Variants in EEFSEC observed in about 807,000 individuals in gnomAD.
EEFSEC encodes eukaryotic elongation factor, selenocysteine-tRNA specific, also known as selenocysteine-specific elongation factor.
EEFSEC carries 43 observed loss-of-function variants against 42.1 expected under a neutral mutation model. The observed-to-expected ratio is 1.02, with a 90% CI of 0.80 to 1.32. EEFSEC has a LOEUF of 1.32. Among genes scored for constraint, EEFSEC ranks in the 40% most tolerant of loss-of-function variants. EEFSEC has a pLI of 0.00. For missense variants in EEFSEC, 745 were observed against 803.6 expected, an observed-to-expected ratio of 0.93 and a Z score of 0.88; for synonymous variants, 354 against 339.1, an observed-to-expected ratio of 1.04 and a Z score of -0.48.
At chr3:128,349,971 AT>A (rs1444194434) in intron 5 of EEFSEC, among the ~76,000 whole-genome samples, 5 of 152,210 alleles carry the variant, frequency 3.3e-5, no homozygotes, top group African/African-American at 1.2e-4. Context: ...AGCAGACACC[AT>A]CCCCCTTCCA....
At chr3:128,189,470 G>T (rs2065498791) in intron 1 of EEFSEC, among the ~76,000 whole-genome samples, 1 of 151,896 alleles carries the variant, frequency 6.6e-6, no homozygotes, top group Admixed American at 6.6e-5. Context: ...GTTACTTATA[G>T]TACCTATTAT....
intron 5 of EEFSEC, among the ~76,000 whole-genome samples, chr3:128,348,256 G>A (rs1402930500): frequency 7.6e-6 from 1 of 131,274 alleles, no homozygotes; most frequent in Non-Finnish European, 1.5e-5. Context: ...GTGCATGCGT[G>A]TGTGTGTGTG....
chr3:128,328,286 C>T (rs1222356623), intron 4 of EEFSEC, among the ~76,000 whole-genome samples: 2 of 152,188 alleles, frequency 1.3e-5, no homozygotes, highest in Non-Finnish European at 2.9e-5. Context: ...GAGGTGAGTG[C>T]AGGGGTGATT....
At chr3:128,168,740 G>C (rs1247096522) in intron 1 of EEFSEC, among the ~76,000 whole-genome samples, 1 of 152,240 alleles carries the variant, frequency 6.6e-6, no homozygotes, top group Admixed American at 6.5e-5. Context: ...GACCCTAAGA[G>C]GGGAGGCCCT....
chr3:128,371,356 C>G (rs2067651939), intron 6 of EEFSEC, among the ~76,000 whole-genome samples: 1 of 152,188 alleles, frequency 6.6e-6, no homozygotes, highest in Admixed American at 6.5e-5. Context: ...CTGGACCATC[C>G]TCTACTGTGG....
At chr3:128,172,486 C>T (rs2065308812) in intron 1 of EEFSEC, among the ~76,000 whole-genome samples, 2 of 152,122 alleles carry the variant, frequency 1.3e-5, no homozygotes, top group Admixed American at 6.6e-5. Context: ...TTTTGTAGAG[C>T]CAAGCGCTTG....
intron 4 of EEFSEC, among the ~76,000 whole-genome samples, chr3:128,327,753 C>T (rs1007854814): frequency 6.6e-6 from 1 of 152,098 alleles, no homozygotes; most frequent in African/African-American, 2.4e-5. Flanking sequence ...CCAGGGCACC[C>T]GGAGCCCTGG....
chr3:128,395,727 G>A (rs1264335335), intron 6 of EEFSEC, among the ~76,000 whole-genome samples: 2 of 152,180 alleles, frequency 1.3e-5, no homozygotes, highest in African/African-American at 4.8e-5. Context: ...AGCCAGGAAC[G>A]GGGCCCAGCA....
intron 1 of EEFSEC, among the ~76,000 whole-genome samples, chr3:128,208,320 G>A (rs1371676401): frequency 2.6e-5 from 4 of 152,148 alleles, no homozygotes; most frequent in South Asian, 4.1e-4. Context: ...ATTGACCTGC[G>A]CTTCTTTTTC....
At chr3:128,290,053 T>C (rs1395535106) in intron 4 of EEFSEC, among the ~76,000 whole-genome samples, 1 of 152,244 alleles carries the variant, frequency 6.6e-6, no homozygotes, top group African/African-American at 2.4e-5. Context: ...ATTTTGTTAA[T>C]GGTGTCTTTT....
At chr3:128,352,326 C>T (rs942357800) in intron 5 of EEFSEC, among the ~76,000 whole-genome samples, 2 of 152,224 alleles carry the variant, frequency 1.3e-5, no homozygotes, top group African/African-American at 2.4e-5. Context: ...ATGCAGCTGA[C>T]AATCACTGAG....
At chr3:128,410,666 G>A (rs2068167635), downstream of EEFSEC, among the ~76,000 whole-genome samples, 1 of 152,148 alleles carries the variant, frequency 6.6e-6, no homozygotes, top group South Asian at 2.1e-4. Context: ...CCAGAGGGCT[G>A]CCCTGGGGGT....
intron 6 of EEFSEC, among the ~76,000 whole-genome samples, chr3:128,381,958 G>A (rs780660755): frequency 1.5e-4 from 23 of 152,262 alleles, no homozygotes; most frequent in Non-Finnish European, 2.5e-4. Context: ...GCACAAGTAC[G>A]CTGGGCCACG....
At chr3:128,164,013 C>T (rs188682677) in intron 1 of EEFSEC, among the ~76,000 whole-genome samples, 1 of 151,994 alleles carries the variant, frequency 6.6e-6, no homozygotes, top group East Asian at 1.9e-4. Flanking sequence ...AATTTGCCAT[C>T]TTAGCCATCT....
chr3:128,406,435 G>T (rs1439973903), intron 6 of EEFSEC, among the ~76,000 whole-genome samples: 1 of 152,150 alleles, frequency 6.6e-6, no homozygotes, highest in Non-Finnish European at 1.5e-5. Flanking sequence ...ATCGATTCAG[G>T]AGATCCGCTG....
rs114503049 is a variant in EEFSEC, at chr3:128,201,731, T to G, written c.317-45105T>G. On this transcript the variant is annotated intron_variant, in intron 1 of 6. Transcript: ENST00000254730. ...TTGATGAAGTCTAATTTATCACTTT[T>G]TTCTGTTGTAGTTACTGCTTTCTAT... 7.7e-3 allele frequency among the ~76,000 whole-genome samples: 1,166 copies of G among 152,316 alleles called. 16 individuals are homozygous for G. The highest frequency in any genetic ancestry group is 0.027 in the African/African-American group (1,110 of 41,564).
chr3:128,212,637 G>T (rs1181410426), intron 1 of EEFSEC, among the ~76,000 whole-genome samples: 1 of 152,206 alleles, frequency 6.6e-6, no homozygotes, highest in Non-Finnish European at 1.5e-5. Context: ...AGAAGATCTG[G>T]TTTAGAAACA....
chr3:128,282,415 T>C (rs985241823), intron 4 of EEFSEC, among the ~76,000 whole-genome samples: 4 of 152,262 alleles, frequency 2.6e-5, no homozygotes, highest in African/African-American at 9.6e-5. Context: ...GGACCTTCTC[T>C]TTCTTTTAAA....
intron 4 of EEFSEC, among the ~76,000 whole-genome samples, chr3:128,305,287 A>T (rs2066814622): frequency 6.6e-6 from 1 of 152,118 alleles, no homozygotes; most frequent in Non-Finnish European, 1.5e-5. Context: ...TCTTTCAATA[A>T]TATTTATATT....
Sources: allele counts gnomAD v4.1 joint callset (sites outside exome capture counted in the v4.1 genomes callset), GRCh38; gene constraint gnomAD v4.1.1; transcripts MANE v1.5; gene names NCBI Gene and HGNC (gene_info 2026-07-23, HGNC 2026-07-21).